C3orf52: variants seen among roughly 807,000 people sequenced by gnomAD.
C3orf52 encodes chromosome 3 open reading frame 52.
A neutral mutation model predicts 24.8 loss-of-function variants in C3orf52; 22 were observed. The observed-to-expected ratio is 0.89, with a 90% CI of 0.63 to 1.27. The LOEUF (loss-of-function observed/expected upper bound fraction) is 1.27, where lower values mean the gene tolerates loss of function less well. Ranked by LOEUF, C3orf52 falls within the 50% of genes most tolerant of loss-of-function variation. The pLI is 0.00. For synonymous variants in C3orf52, 93 were observed against 100.2 expected, an observed-to-expected ratio of 0.93 and a Z score of 0.43; for missense variants, 265 against 260.7, an observed-to-expected ratio of 1.02 and a Z score of -0.11.
At chr3:112,132,550 T>A, downstream of C3orf52, 4 of 530,862 alleles carry the variant, frequency 7.5e-6, no homozygotes, top group Non-Finnish European at 9.7e-6. Context: ...GATATTGTAT[T>A]ATTATTTCTA....
At position 112,114,858 on chromosome 3, in the gene C3orf52, A is replaced by G. The variant is rs72942198; in HGVS notation, c.649+1713A>G. Among the ~76,000 whole-genome samples, 677 of 152,180 alleles carry G rather than the reference A, an allele frequency of 4.4e-3. 5 individuals are homozygous for G. Among genetic ancestry groups the G allele is most frequent in the African/African-American group, 0.015 (640 of 41,516 alleles). ...CTCTTTCCAAATGGAGGCCAGGGAGATGGGCAGAGGTCTGAGGAAAGGTTT... is the reference window on the plus strand; with the variant it reads ...CTCTTTCCAAATGGAGGCCAGGGAGGTGGGCAGAGGTCTGAGGAAAGGTTT... On this transcript the variant is annotated intron_variant, in intron 5 of 5. Transcript: ENST00000264848.
chr3:112,134,373 A>C (rs1286573795), downstream of C3orf52: 1 of 152,218 alleles, frequency 6.6e-6, no homozygotes, highest in African/African-American at 2.4e-5. Flanking sequence ...AACTGCTAAA[A>C]GAGCATGAAT....
chr3:112,120,656 C>T (rs1040192619), downstream of C3orf52, among the ~76,000 whole-genome samples: 4 of 152,086 alleles, frequency 2.6e-5, no homozygotes, highest in African/African-American at 7.2e-5. Flanking sequence ...TGCTCAGGCT[C>T]AGGTTCTTTA....
At chr3:112,109,675 C>T in intron 4 of C3orf52, 62 bp downstream of exon 4, 1 of 1,015,914 alleles carries the variant, frequency 9.8e-7, no homozygotes, top group Non-Finnish European at 1.5e-6. Context: ...CCCACCCCAC[C>T]CTTCGTCATT....
At position 112,086,524 on chromosome 3, in the gene C3orf52, C is replaced by A; in HGVS notation, c.117C>A (p.Asp39Glu). The A allele has an allele frequency of 1.5e-5, 23 of 1,551,176 alleles. No individual in the cohort carries two copies. Among genetic ancestry groups the A allele is most frequent in the Non-Finnish European group, 2.0e-5 (23 of 1,146,664 alleles). The change falls in exon 1 of 6, where the codon GAC (aspartate) becomes GAA (glutamate). Residue 39 changes from aspartate (D) to glutamate (E), a missense_variant. Coordinates refer to ENST00000264848, the MANE Select transcript of C3orf52 (RefSeq NM_024616.3). ...NGADKVFPSL[D>E]EEVPPAEANK... ...CCGACAAGGTCTTCCCTTCTTTGGA[C>A]GAGGAGGTCCCCCCGGCCGAGGTAA...
chr3:112,130,745 A>T, downstream of C3orf52: 1 of 550,008 alleles, frequency 1.8e-6, no homozygotes. Flanking sequence ...TCCAACCTCC[A>T]TGAACAAGTG....
intron 2 of C3orf52, among the ~76,000 whole-genome samples, chr3:112,101,548 A>C (rs1364860876): frequency 1.3e-5 from 2 of 152,196 alleles, no homozygotes; most frequent in Non-Finnish European, 2.9e-5. Flanking sequence ...ATCAGGGGAA[A>C]ATCCAGGTTC....
intron 1 of C3orf52, among the ~76,000 whole-genome samples, chr3:112,092,492 G>A (rs983968520): frequency 8.5e-5 from 13 of 152,144 alleles, no homozygotes; most frequent in Non-Finnish European, 1.9e-4. Flanking sequence ...CTCATAAACC[G>A]GAGCTCTGCA....
chr3:112,114,431 C>A (rs1274415148), intron 5 of C3orf52, among the ~76,000 whole-genome samples: 1 of 150,250 alleles, frequency 6.7e-6, no homozygotes, highest in Admixed American at 6.6e-5. Context: ...AAGCCAGGCG[C>A]GGTGGCTCAC....
intron 2 of C3orf52, among the ~76,000 whole-genome samples, chr3:112,100,078 C>G (rs2073958509): frequency 6.6e-6 from 1 of 152,104 alleles, no homozygotes; most frequent in Non-Finnish European, 1.5e-5. Context: ...CTTTTTGTTC[C>G]TTCTGCTGTC....
rs1314644526 is a variant in C3orf52, at chr3:112,093,486, G to T, written c.265G>T (p.Ala89Ser). Residue 89 changes from alanine (A) to serine (S), a missense_variant, in exon 2 of 6, where the codon GCA (alanine) becomes TCA (serine). Physicochemically the swap from Ala to Ser is moderately conservative, Grantham distance 99. Coordinates refer to ENST00000264848, the MANE Select transcript of C3orf52 (RefSeq NM_024616.3). Reference protein sequence around the residue: ...TVIIIGLCLAAVTYVDEDENE... With the variant: ...TVIIIGLCLASVTYVDEDENE... ...GATCATCATAGGCTTATGTCTTGCT[G>T]CAGGTAAGAGGATTTAGATGTGAAT... 6.2e-7 allele frequency: 1 copy of T among 1,612,460 alleles called. No homozygotes were observed. Among genetic ancestry groups the T allele is most frequent in the Non-Finnish European group, 8.5e-7 (1 of 1,179,140 alleles).
At chr3:112,102,795 G>T (rs545126644) in intron 2 of C3orf52, 43 bp from the exon 3 acceptor site, 492 of 1,506,682 alleles carry the variant, frequency 3.3e-4, no homozygotes, top group Non-Finnish European at 4.1e-4. Context: ...ATATGCAGGT[G>T]TTTACTTTTG....
downstream of C3orf52, chr3:112,130,266 A>C: frequency 1.6e-6 from 1 of 617,510 alleles, no homozygotes; most frequent in Non-Finnish European, 2.9e-6. Flanking sequence ...AAAGTAGCAT[A>C]TCTCCTGTCC....
chr3:112,088,084 T>C (rs1364507883), intron 1 of C3orf52, among the ~76,000 whole-genome samples: 1 of 152,200 alleles, frequency 6.6e-6, no homozygotes, highest in East Asian at 1.9e-4. Context: ...ACGTCCTTGT[T>C]AGTAAGGTAT....
intron 3 of C3orf52, among the ~76,000 whole-genome samples, chr3:112,107,210 A>G (rs955843440): frequency 6.6e-6 from 1 of 151,026 alleles, no homozygotes; most frequent in Admixed American, 6.6e-5. Flanking sequence ...AAGATTAATA[A>G]AGGAAAGAAG....
chr3:112,113,811 A>G (rs757953297), intron 5 of C3orf52, among the ~76,000 whole-genome samples: 1 of 152,232 alleles, frequency 6.6e-6, no homozygotes, highest in Non-Finnish European at 1.5e-5. Flanking sequence ...ACCTGACAGA[A>G]AGGAAGGTCA....
At chr3:112,127,790 TG>T (rs1459134177) in intron 4 of C3orf52, among the ~76,000 whole-genome samples, 1 of 152,226 alleles carries the variant, frequency 6.6e-6, no homozygotes, top group Admixed American at 6.5e-5. Context: ...GTTTCATCTT[TG>T]CTTCTGAGGC....
chr3:112,131,905 G>C (rs2107816547), downstream of C3orf52, among the ~76,000 whole-genome samples: 1 of 152,250 alleles, frequency 6.6e-6, no homozygotes, highest in East Asian at 1.9e-4. Flanking sequence ...AGCATAAGAT[G>C]TGTGCACCTT....
At chr3:112,132,128 T>C (rs1032052193), downstream of C3orf52, among the ~76,000 whole-genome samples, 2 of 152,056 alleles carry the variant, frequency 1.3e-5, no homozygotes, top group Non-Finnish European at 2.9e-5. Flanking sequence ...AATGCTAGAG[T>C]AGAAGATTGA....
Sources: gnomAD v4.1 joint callset for allele counts (sites outside exome capture counted in the v4.1 genomes callset) on GRCh38, gnomAD v4.1.1 for gene constraint, MANE v1.5 for transcripts, NCBI Gene and HGNC (gene_info 2026-07-23, HGNC 2026-07-21) for gene names.